NRXN3: variants seen among roughly 807,000 people sequenced by gnomAD.
NRXN3 encodes neurexin 3, also known as neurexin III.
NRXN3 carries 32 observed loss-of-function variants against 137.6 expected under a neutral mutation model. The observed-to-expected ratio is 0.23, with a 90% CI of 0.18 to 0.31. The LOEUF (loss-of-function observed/expected upper bound fraction) is 0.31, where lower values mean the gene tolerates loss of function less well. NRXN3 is among the 10% of genes least tolerant of loss of function. The pLI is 1.00. For synonymous variants in NRXN3, 798 were observed against 784.5 expected (o/e 1.02, Z -0.29); for missense variants, 1,574 against 2,062.5 (o/e 0.76, Z 4.59).
intron 4 of NRXN3, among the ~76,000 whole-genome samples, chr14:78,563,458 A>G (rs2096806285): frequency 6.6e-6 from 1 of 152,204 alleles, no homozygotes; most frequent in Admixed American, 6.5e-5. Context: ...ATTCTGGTGT[A>G]TGGGTGAAGG....
intron 4 of NRXN3, among the ~76,000 whole-genome samples, chr14:78,358,195 G>T (rs1404319667): frequency 6.6e-6 from 1 of 152,148 alleles, no homozygotes; most frequent in Non-Finnish European, 1.5e-5. Flanking sequence ...AGTGCTGTAG[G>T]GGTGGTGGTA....
chr14:78,456,805 C>CTT (rs879611835), intron 4 of NRXN3, among the ~76,000 whole-genome samples: 1 of 106,132 alleles, frequency 9.4e-6, no homozygotes, highest in Admixed American at 1.0e-4. Flanking sequence ...TTCTCTCTTT[C>CTT]TTTCTTTCTT....
chr14:78,828,288 G>A (rs1216947726), intron 10 of NRXN3, among the ~76,000 whole-genome samples: 1 of 152,124 alleles, frequency 6.6e-6, no homozygotes, highest in African/African-American at 2.4e-5. Flanking sequence ...ACAATATTGA[G>A]GCTCTTGCTT....
chr14:78,526,628 C>T (rs1286774704), intron 4 of NRXN3: 1 of 351,756 alleles, frequency 2.8e-6, no homozygotes, highest in Admixed American at 3.7e-5. Context: ...AGCATATCTG[C>T]TTTATCTGAT....
chr14:79,288,211 C>T (rs1278125641), intron 15 of NRXN3, among the ~76,000 whole-genome samples: 1 of 152,222 alleles, frequency 6.6e-6, no homozygotes, highest in Non-Finnish European at 1.5e-5. Flanking sequence ...ATAAAGCCCA[C>T]AATCCAACTT....
In NRXN3 at chr14:78,988,153, A is replaced by G; in HGVS notation, c.3262+12A>G. 1 of 1,613,674 alleles carries G rather than the reference A, an allele frequency of 6.2e-7. No individual in the cohort carries two copies. Among genetic ancestry groups the G allele is most frequent in the Non-Finnish European group, 8.5e-7 (1 of 1,179,698 alleles). On this transcript the variant is annotated intron_variant, in intron 15 of 20. Coordinates refer to ENST00000335750, the MANE Select transcript of NRXN3 (RefSeq NM_001330195.2). ...CCAGTGCAATGATCGTAAGTACAACAACCTTTCATACTGGAACTTTGTGAA... is the reference window on the plus strand; with the variant it reads ...CCAGTGCAATGATCGTAAGTACAACGACCTTTCATACTGGAACTTTGTGAA...
Position 78,507,075 on chromosome 14 carries a change from C to T in NRXN3, c.758-138045C>T, listed in dbSNP as rs79723506. ...CATTCCATAGGCCAAATAAGACATACAGACTTCTGGTCAGTGACCTCTTTC... is the reference window on the plus strand; with the variant it reads ...CATTCCATAGGCCAAATAAGACATATAGACTTCTGGTCAGTGACCTCTTTC... On this transcript the variant is annotated intron_variant, in intron 4 of 20. Coordinates refer to ENST00000335750, the MANE Select transcript of NRXN3 (RefSeq NM_001330195.2). Among the ~76,000 whole-genome samples, 533 of 152,180 alleles carry T rather than the reference C, an allele frequency of 3.5e-3. 3 individuals carry two copies. Among genetic ancestry groups the T allele is most frequent in the African/African-American group, 0.013 (524 of 41,516 alleles).
chr14:79,094,622 A>G (rs540789319), intron 15 of NRXN3, among the ~76,000 whole-genome samples: 1 of 152,158 alleles, frequency 6.6e-6, no homozygotes, highest in South Asian at 2.1e-4. Context: ...AGTCTGTTCA[A>G]TATATTTGTA....
At chr14:78,792,458 T>C (rs967216409) in intron 8 of NRXN3, among the ~76,000 whole-genome samples, 1 of 151,926 alleles carries the variant, frequency 6.6e-6, no homozygotes, top group Non-Finnish European at 1.5e-5. Flanking sequence ...AACTGAGATA[T>C]AAAGAGGGCA....
chr14:78,936,789 C>G (rs889625594), intron 10 of NRXN3, among the ~76,000 whole-genome samples: 1 of 152,174 alleles, frequency 6.6e-6, no homozygotes, highest in Admixed American at 6.5e-5. Flanking sequence ...GATAGAGAGA[C>G]CACTGAAGTA....
chr14:79,819,344 A>G (rs1429804856), intron 20 of NRXN3, among the ~76,000 whole-genome samples: 1 of 152,118 alleles, frequency 6.6e-6, no homozygotes, highest in Non-Finnish European at 1.5e-5. Flanking sequence ...GAGAAGTCCC[A>G]TAGGTTAAAA....
intron 15 of NRXN3, among the ~76,000 whole-genome samples, chr14:79,265,679 C>T (rs903431151): frequency 1.8e-4 from 28 of 152,110 alleles, no homozygotes; most frequent in Admixed American, 5.9e-4. Context: ...TATTCATCTT[C>T]TGTACACCGA....
intron 15 of NRXN3, among the ~76,000 whole-genome samples, chr14:78,993,888 T>C (rs886773971): frequency 1.4e-5 from 2 of 144,052 alleles, no homozygotes; most frequent in African/African-American, 5.3e-5. Flanking sequence ...CTCTCTCTGT[T>C]GCCCAGGCTG....
chr14:79,329,155 T>C (rs1451368500), intron 15 of NRXN3, among the ~76,000 whole-genome samples: 2 of 152,178 alleles, frequency 1.3e-5, no homozygotes, highest in Admixed American at 1.3e-4. Context: ...TCAGAGTAGA[T>C]GTGAGAGACT....
At chr14:78,568,057 G>A (rs1600601142) in intron 4 of NRXN3, among the ~76,000 whole-genome samples, 1 of 152,150 alleles carries the variant, frequency 6.6e-6, no homozygotes, top group African/African-American at 2.4e-5. Context: ...AGGTTAAATT[G>A]AGGTATCGGG....
At chr14:79,271,215 A>G (rs2079238236) in intron 15 of NRXN3, among the ~76,000 whole-genome samples, 1 of 152,208 alleles carries the variant, frequency 6.6e-6, no homozygotes, top group Non-Finnish European at 1.5e-5. Context: ...AAGTAACTAC[A>G]TGGAATAAAT....
At chr14:79,818,478 G>C (rs977529615) in intron 20 of NRXN3, among the ~76,000 whole-genome samples, 1 of 152,172 alleles carries the variant, frequency 6.6e-6, no homozygotes, top group Admixed American at 6.5e-5. Context: ...CTTGGGTTAA[G>C]ATACTGCATT....
intron 15 of NRXN3, among the ~76,000 whole-genome samples, chr14:79,058,135 T>C (rs2099668403): frequency 6.6e-6 from 1 of 151,442 alleles, no homozygotes; most frequent in Non-Finnish European, 1.5e-5. Context: ...CAGTAGAGAG[T>C]TGTGGGCTGG....
intron 8 of NRXN3, among the ~76,000 whole-genome samples, chr14:78,737,685 A>C (rs542397419): frequency 3.3e-5 from 5 of 152,156 alleles, no homozygotes; most frequent in African/African-American, 4.8e-5. Flanking sequence ...TCTTAGCTCT[A>C]AACGACAGCT....
Sources: allele counts gnomAD v4.1 joint callset (sites outside exome capture counted in the v4.1 genomes callset), GRCh38; gene constraint gnomAD v4.1.1; transcripts MANE v1.5; gene names NCBI Gene and HGNC (gene_info 2026-07-23, HGNC 2026-07-21).